OSBPL6: variants seen among roughly 807,000 people sequenced by gnomAD.
OSBPL6 encodes oxysterol-binding protein-related protein 6.
Under a neutral mutation model 125.8 loss-of-function variants are expected in OSBPL6, and 49 were observed. The observed-to-expected ratio is 0.39, with a 90% CI of 0.31 to 0.49. The LOEUF (loss-of-function observed/expected upper bound fraction) is 0.49, where lower values mean the gene tolerates loss of function less well. Among genes scored for constraint, OSBPL6 ranks in the 20% least tolerant of loss-of-function variants. OSBPL6 has a pLI of 0.88. For synonymous variants in OSBPL6, 394 were observed against 391.8 expected, an observed-to-expected ratio of 1.01 and a Z score of -0.07; for missense variants, 986 against 1,135.4, an observed-to-expected ratio of 0.87 and a Z score of 1.89.
chr2:178,336,478 C>G, intron 9 of OSBPL6, 45 bp downstream of exon 9: 5 of 1,600,182 alleles, frequency 3.1e-6, no homozygotes, highest in Non-Finnish European at 4.3e-6. Context: ...CAAAACCAAA[C>G]AAGAAACAAA....
intron 23 of OSBPL6, among the ~76,000 whole-genome samples, chr2:178,393,411 G>A (rs1695585634): frequency 6.6e-6 from 1 of 152,050 alleles, no homozygotes; most frequent in African/African-American, 2.4e-5. Flanking sequence ...CATTCCTATG[G>A]AATTCATTTT....
intron 3 of OSBPL6, among the ~76,000 whole-genome samples, chr2:178,313,699 A>G (rs1052936896): frequency 1.3e-5 from 2 of 152,246 alleles, no homozygotes; most frequent in African/African-American, 2.4e-5. Context: ...TTTAACAACT[A>G]TATATTTCAA....
At chr2:178,215,957 G>A (rs2090077884) in intron 1 of OSBPL6, among the ~76,000 whole-genome samples, 1 of 152,168 alleles carries the variant, frequency 6.6e-6, no homozygotes, top group African/African-American at 2.4e-5. Context: ...TTGGAGGCTG[G>A]TGTTATTTCT....
At chr2:178,259,849 A>C (rs2154013778) in intron 1 of OSBPL6, among the ~76,000 whole-genome samples, 1 of 152,278 alleles carries the variant, frequency 6.6e-6, no homozygotes, top group Admixed American at 6.5e-5. Context: ...AGAGAGTCCA[A>C]ATGGTAAAAT....
At chr2:178,245,068 A>C (rs763723205) in intron 1 of OSBPL6, among the ~76,000 whole-genome samples, 1 of 152,210 alleles carries the variant, frequency 6.6e-6, no homozygotes, top group Non-Finnish European at 1.5e-5. Flanking sequence ...ATTATACTGC[A>C]GCAACTTCTT....
intron 11 of OSBPL6, among the ~76,000 whole-genome samples, chr2:178,348,239 G>A (rs1690914416): frequency 1.3e-5 from 2 of 152,242 alleles, no homozygotes; most frequent in Admixed American, 1.3e-4. Flanking sequence ...GCCAGGGGGT[G>A]TGAATTATCC....
intron 1 of OSBPL6, among the ~76,000 whole-genome samples, chr2:178,276,400 T>G (rs1159290832): frequency 7.2e-5 from 10 of 139,380 alleles, no homozygotes; most frequent in African/African-American, 2.2e-4. Flanking sequence ...TGAGACGGAG[T>G]CTCGCTCTGT....
chr2:178,314,753 A>G (rs368343633), intron 3 of OSBPL6, among the ~76,000 whole-genome samples: 1 of 152,234 alleles, frequency 6.6e-6, no homozygotes, highest in Non-Finnish European at 1.5e-5. Context: ...TTCAAAGAAC[A>G]AAGTGTGGCC....
At chr2:178,228,300 C>A (rs1004129548) in intron 1 of OSBPL6, among the ~76,000 whole-genome samples, 1 of 152,172 alleles carries the variant, frequency 6.6e-6, no homozygotes, top group Non-Finnish European at 1.5e-5. Flanking sequence ...CTTTGGGAGG[C>A]CAAGGTGGGC....
At chr2:178,382,839 A>G in intron 16 of OSBPL6, 185 bp from the exon 17 acceptor site, 1 of 1,393,998 alleles carries the variant, frequency 7.2e-7, no homozygotes, top group East Asian at 2.5e-5. Flanking sequence ...TTATAAAACT[A>G]TACACTGTTG....
chr2:178,394,869 A>G (rs548910471), intron 24 of OSBPL6, among the ~76,000 whole-genome samples: 1 of 152,316 alleles, frequency 6.6e-6, no homozygotes, highest in South Asian at 2.1e-4. Context: ...TGATTATTAC[A>G]GGATTATTTG....
chr2:178,267,555 A>G (rs898261891), intron 1 of OSBPL6, among the ~76,000 whole-genome samples: 46 of 152,188 alleles, frequency 3.0e-4, no homozygotes, highest in African/African-American at 1.1e-3. Context: ...GCTATATATT[A>G]TTCTAGTAAG....
chr2:178,333,030 A>G lies in OSBPL6; in HGVS notation c.646A>G (p.Met216Val), dbSNP rs1450995450. 6.2e-7 allele frequency: 1 copy of G among 1,613,824 alleles called. No individual in the cohort carries two copies. Among genetic ancestry groups the G allele is most frequent in the African/African-American group, 1.3e-5 (1 of 74,926 alleles). The change falls in exon 8 of 25, where the codon ATG becomes GTG. Residue 216 changes from methionine (M) to valine (V), a missense_variant. Around this residue, in one of 3 missense-constraint regions of OSBPL6, gnomAD observed 843 missense variants for 997.3 expected, o/e 0.85. Transcript: ENST00000190611. Reference sequence around the variant, plus strand: ...CTCACCAGCTGCTAATGTTTCTGTAATGGATGGAAAGGTATGACTTTGTTC... The same window carrying G: ...CTCACCAGCTGCTAATGTTTCTGTAGTGGATGGAAAGGTATGACTTTGTTC... ...ESSPAANVSV[M>V]DGKMQPNSFP...
chr2:178,294,251 A>G (rs1427233975), intron 2 of OSBPL6, among the ~76,000 whole-genome samples: 2 of 152,140 alleles, frequency 1.3e-5, no homozygotes, highest in Admixed American at 1.3e-4. Flanking sequence ...CCATATAATT[A>G]TGGGTTATAC....
rs986626369 is a variant in OSBPL6 at position 178,399,046 on chromosome 2, T to C, written c.*3487T>C. 1 of 151,938 alleles carries C rather than the reference T, an allele frequency of 6.6e-6. No individual in the cohort carries two copies. Among genetic ancestry groups the C allele is most frequent in the African/African-American group, 2.4e-5 (1 of 41,342 alleles). 9.4% of individuals were successfully genotyped at this position (151,938 alleles called of 1,614,324 possible). Reference sequence around the variant, plus strand: ...GCTCTGCACACACCAGGGGATGTAATAAATGTTTGCACTTGGCCCAGTATA... The same window carrying C: ...GCTCTGCACACACCAGGGGATGTAACAAATGTTTGCACTTGGCCCAGTATA... On this transcript the variant is annotated 3_prime_UTR_variant, in exon 25 of 25. Transcript: ENST00000190611.
intron 15 of OSBPL6, among the ~76,000 whole-genome samples, chr2:178,375,849 C>G (rs538714849): frequency 1.3e-5 from 2 of 152,188 alleles, no homozygotes; most frequent in African/African-American, 4.8e-5. Flanking sequence ...GGGCACACCC[C>G]AGCTGGGACC....
chr2:178,307,795 A>C (rs930885853), intron 3 of OSBPL6, among the ~76,000 whole-genome samples: 1 of 152,086 alleles, frequency 6.6e-6, no homozygotes, highest in African/African-American at 2.4e-5. Flanking sequence ...GAAGCAGTTG[A>C]CCCGGCTCAC....
intron 13 of OSBPL6, among the ~76,000 whole-genome samples, chr2:178,371,688 A>G (rs955881930): frequency 6.6e-6 from 1 of 152,168 alleles, no homozygotes; most frequent in African/African-American, 2.4e-5. Context: ...TTTCTAACTA[A>G]TTTTTAAGAT....
At position 178,369,025 on chromosome 2, in the gene OSBPL6, G is replaced by A. The variant is rs376236044; in HGVS notation, c.1288-3101G>A. Among the ~76,000 whole-genome samples the A allele has an allele frequency of 3.3e-5, 5 of 152,226 alleles. No homozygotes were observed. The East Asian group carries it at 9.7e-4, about 29-fold the overall frequency. On this transcript the variant is annotated intron_variant, in intron 13 of 24. Transcript: ENST00000190611. ...TTGGCCAGACTGGTCTCAAACTCCT[G>A]ACCTCAAGTGATCCATCTGCCTTGG...
Sources: gnomAD v4.1 joint callset for allele counts (sites outside exome capture counted in the v4.1 genomes callset) on GRCh38, gnomAD v4.1.1 for gene constraint, gnomAD v4.1.1 regional missense constraint, MANE v1.5 for transcripts, NCBI Gene and HGNC (gene_info 2026-07-23, HGNC 2026-07-21) for gene names.